TMEM132C: variants seen among roughly 807,000 people sequenced by gnomAD.
The protein encoded by TMEM132C is transmembrane protein 132C.
TMEM132C carries 29 observed loss-of-function variants against 61.4 expected under a neutral mutation model. The ratio of observed to expected loss-of-function variants is 0.47; its 90% confidence interval spans 0.35 to 0.64. The LOEUF is 0.64. Among genes scored for constraint, TMEM132C ranks in the 30% least tolerant of loss-of-function variants. The pLI is 0.00. For synonymous variants in TMEM132C, 656 were observed against 633.1 expected, an observed-to-expected ratio of 1.04 and a Z score of -0.54; for missense variants, 1,408 against 1,476.9, an observed-to-expected ratio of 0.95 and a Z score of 0.76.
intron 4 of TMEM132C, among the ~76,000 whole-genome samples, chr12:128,658,988 C>T (rs989008794): frequency 6.6e-6 from 1 of 152,142 alleles, no homozygotes; most frequent in Non-Finnish European, 1.5e-5. Flanking sequence ...GAAGATGACT[C>T]CATGGCTCTA....
At chr12:128,295,810 T>C (rs1871396171) in intron 1 of TMEM132C, among the ~76,000 whole-genome samples, 1 of 152,282 alleles carries the variant, frequency 6.6e-6, no homozygotes, top group East Asian at 1.9e-4. Context: ...CCTATTTCCT[T>C]CTTGATCCTT....
chr12:128,394,571 A>G (rs1337186644), intron 1 of TMEM132C, among the ~76,000 whole-genome samples: 1 of 152,270 alleles, frequency 6.6e-6, no homozygotes, highest in Admixed American at 6.5e-5. Flanking sequence ...CCTTTCCTTC[A>G]GCCCAACATC....
intron 2 of TMEM132C, among the ~76,000 whole-genome samples, chr12:128,514,684 C>G (rs989931249): frequency 1.3e-5 from 2 of 152,080 alleles, no homozygotes; most frequent in African/African-American, 2.4e-5. Flanking sequence ...ATAATGGAAC[C>G]CAAGAGTGAG....
chr12:128,668,206 G>A (rs750408218), intron 4 of TMEM132C, among the ~76,000 whole-genome samples: 2 of 152,092 alleles, frequency 1.3e-5, no homozygotes, highest in South Asian at 4.2e-4. Context: ...CTTGAGGCCA[G>A]GAGTTCAAGA....
At chr12:128,365,322 G>A (rs925512696) in intron 1 of TMEM132C, among the ~76,000 whole-genome samples, 1 of 152,160 alleles carries the variant, frequency 6.6e-6, no homozygotes, top group Admixed American at 6.5e-5. Context: ...GTGCTTGAAC[G>A]TCTAGCCAGC....
chr12:128,274,591 A>C (rs1476675802), intron 1 of TMEM132C, among the ~76,000 whole-genome samples: 1 of 152,234 alleles, frequency 6.6e-6, no homozygotes, highest in African/African-American at 2.4e-5. Flanking sequence ...GTTTCCTATG[A>C]GCAGGAAGCT....
intron 3 of TMEM132C, among the ~76,000 whole-genome samples, chr12:128,562,774 G>C (rs747303197): frequency 3.4e-5 from 5 of 146,214 alleles, no homozygotes; most frequent in African/African-American, 5.1e-5. Context: ...AAAGGGATCA[G>C]CTTCTGTGAC....
intron 2 of TMEM132C, among the ~76,000 whole-genome samples, chr12:128,515,026 G>A (rs1355655477): frequency 6.6e-6 from 1 of 152,216 alleles, no homozygotes; most frequent in South Asian, 2.1e-4. Context: ...CACGGATAAA[G>A]CAAAGTTGTA....
chr12:128,620,892 T>C (rs1489423), intron 4 of TMEM132C, among the ~76,000 whole-genome samples: 16,667 of 151,748 alleles, frequency 0.11, 3,058 homozygotes, highest in African/African-American at 0.38. Context: ...ATCAGTAGGG[T>C]TGTTTAAAGG....
At position 128,448,961 on chromosome 12, in the gene TMEM132C, C is replaced by T. The variant is rs547129478; in HGVS notation, c.974+33341C>T. On this transcript the variant is annotated intron_variant, in intron 2 of 8. Coordinates refer to ENST00000435159, the MANE Select transcript of TMEM132C (RefSeq NM_001136103.3). The stretch of plus-strand genomic sequence containing the variant: ...GACCATCCTGGCTAACACGGCGAAA[C>T]CCTGTCTCTACTAAAAATACAAAAA... Among the ~76,000 whole-genome samples the T allele has an allele frequency of 3.3e-5, 5 of 151,642 alleles. No individual in the cohort carries two copies. The East Asian group carries it at 9.8e-4, about 30-fold the overall frequency.
chr12:128,427,740 T>C (rs1481672243), intron 2 of TMEM132C, among the ~76,000 whole-genome samples: 1 of 152,184 alleles, frequency 6.6e-6, no homozygotes, highest in African/African-American at 2.4e-5. Context: ...CCCCAGCTTG[T>C]GGCTCTCACT....
chr12:128,705,299 G>A lies in TMEM132C; in HGVS notation c.2331G>A (p.Glu777=). ...PLIRVDMTIA[E]ACQKSKRKSI... ...TCCGAGTGGACATGACGATCGCCGA[G>A]GCCTGCCAGAAATCTAAACGCAAGA... Residue 777 remains glutamate, a synonymous_variant, in exon 9 of 9, where the codon GAG becomes GAA. Transcript: ENST00000435159. 3 of 1,551,370 alleles carry A rather than the reference G, an allele frequency of 1.9e-6. No individual in the cohort carries two copies. The highest frequency in any genetic ancestry group is 2.6e-6 in the Non-Finnish European group (3 of 1,146,792).
intron 1 of TMEM132C, among the ~76,000 whole-genome samples, chr12:128,378,846 T>C (rs1054395388): frequency 6.6e-6 from 1 of 152,206 alleles, no homozygotes; most frequent in Non-Finnish European, 1.5e-5. Flanking sequence ...GGAGAAGTAA[T>C]TGAATCATGA....
chr12:128,653,172 G>T (rs1009873548), intron 4 of TMEM132C, among the ~76,000 whole-genome samples: 1 of 152,014 alleles, frequency 6.6e-6, no homozygotes, highest in Admixed American at 6.6e-5. Flanking sequence ...CAGGCACAAA[G>T]GGCCACATGT....
intron 4 of TMEM132C, among the ~76,000 whole-genome samples, chr12:128,666,959 A>G (rs886208216): frequency 1.3e-5 from 2 of 152,194 alleles, no homozygotes; most frequent in African/African-American, 4.8e-5. Flanking sequence ...AGTCCCCGCT[A>G]CTCGGGAGGC....
chr12:128,541,048 T>C (rs1349484529), intron 2 of TMEM132C, among the ~76,000 whole-genome samples: 1 of 152,222 alleles, frequency 6.6e-6, no homozygotes, highest in Non-Finnish European at 1.5e-5. Context: ...TCTCTCTCTG[T>C]GTGTCTGACT....
intron 2 of TMEM132C, among the ~76,000 whole-genome samples, chr12:128,427,377 C>A (rs1002764733): frequency 3.0e-5 from 4 of 135,492 alleles, no homozygotes; most frequent in Admixed American, 7.5e-5. Context: ...TTAGTTTCTA[C>A]TTCCAAAGGG....
At chr12:128,609,261 A>ACACT (rs538857196) in intron 3 of TMEM132C, among the ~76,000 whole-genome samples, 1,502 of 41,518 alleles carry the variant, frequency 0.036, 98 homozygotes, top group Non-Finnish European at 0.051. Flanking sequence ...CCTCCCTGCA[A>ACACT]GTTACCCCCA....
At chr12:128,267,545 G>C in intron 1 of TMEM132C, 58 bp downstream of exon 1, 1 of 1,204,160 alleles carries the variant, frequency 8.3e-7, no homozygotes, top group South Asian at 3.7e-5. Context: ...GGTTCCGGGG[G>C]AGCTCGGGGT....
Sources: gnomAD v4.1 joint callset for allele counts (sites outside exome capture counted in the v4.1 genomes callset) on GRCh38, gnomAD v4.1.1 for gene constraint, MANE v1.5 for transcripts, NCBI Gene and HGNC (gene_info 2026-07-23, HGNC 2026-07-21) for gene names.